The following DPYD variants were observed in gnomAD, a reference collection of about 807,000 sequenced individuals.
The protein encoded by DPYD is dihydropyrimidine dehydrogenase [NADP(+)].
A neutral mutation model predicts 116.2 loss-of-function variants in DPYD; 109 were observed. That is an observed-to-expected ratio of 0.94 (90% CI 0.80 to 1.10). DPYD has a LOEUF of 1.10. Ranked by LOEUF, DPYD falls within the 50% of genes least tolerant of loss-of-function variation. DPYD has a pLI of 0.00. For missense variants in DPYD, 1,302 were observed against 1,254.5 expected, an observed-to-expected ratio of 1.04 and a Z score of -0.57; for synonymous variants, 440 against 432.0, an observed-to-expected ratio of 1.02 and a Z score of -0.23.
rs115349141 is a variant in DPYD at position 97,251,707 on chromosome 1, A to G, written c.2300-16713T>C. Reference sequence around the variant, plus strand: ...GATAAATCACTAGTTACTAAGAATAAGGACACATGGAGTACAAAATGATGA... The same window carrying G: ...GATAAATCACTAGTTACTAAGAATAGGGACACATGGAGTACAAAATGATGA... On this transcript the variant is annotated intron_variant, in intron 18 of 22. Transcript: ENST00000370192. Among the ~76,000 whole-genome samples the G allele has an allele frequency of 9.8e-3, 1,497 of 152,300 alleles. 30 individuals carry two copies. Among genetic ancestry groups the G allele is most frequent in the African/African-American group, 0.035 (1,450 of 41,568 alleles).
chr1:97,868,730 GTC>G (rs1252150491), intron 2 of DPYD, among the ~76,000 whole-genome samples: 3 of 151,716 alleles, frequency 2.0e-5, no homozygotes, highest in Non-Finnish European at 4.4e-5. Context: ...TTGGGCATGT[GTC>G]TCTGAGTCAG....
At chr1:97,578,664 G>A (rs1653438008) in intron 10 of DPYD, among the ~76,000 whole-genome samples, 3 of 152,148 alleles carry the variant, frequency 2.0e-5, no homozygotes, top group Admixed American at 1.3e-4. Context: ...TATGATTCTA[G>A]TTGCTGAACC....
intron 19 of DPYD, among the ~76,000 whole-genome samples, chr1:97,227,926 C>G (rs1661305977): frequency 6.6e-6 from 1 of 151,854 alleles, no homozygotes; most frequent in Non-Finnish European, 1.5e-5. Flanking sequence ...AAAATTTAAG[C>G]AAATGATGCT....
intron 1 of DPYD, among the ~76,000 whole-genome samples, chr1:97,911,487 G>T (rs1558048945): frequency 6.6e-6 from 1 of 152,068 alleles, no homozygotes; most frequent in Non-Finnish European, 1.5e-5. Context: ...ACCCAAGGAA[G>T]AAGTATGTTT....
intron 8 of DPYD, among the ~76,000 whole-genome samples, chr1:97,602,682 T>A (rs185368564): frequency 6.6e-6 from 1 of 152,052 alleles, no homozygotes; most frequent in Non-Finnish European, 1.5e-5. Flanking sequence ...TATCCTTGAG[T>A]ATATTGTACT....
chr1:97,155,117 G>T (rs1245280300), intron 20 of DPYD, among the ~76,000 whole-genome samples: 1 of 152,154 alleles, frequency 6.6e-6, no homozygotes, highest in Admixed American at 6.5e-5. Context: ...TGCAGGGAAC[G>T]TATATGTGGC....
intron 16 of DPYD, among the ~76,000 whole-genome samples, chr1:97,346,635 T>C (rs1357499170): frequency 2.0e-5 from 3 of 151,930 alleles, no homozygotes; most frequent in East Asian, 1.9e-4. Context: ...CATAAAGGTC[T>C]ATCTACTTAA....
chr1:97,134,210 T>C (rs1653609582), intron 20 of DPYD, among the ~76,000 whole-genome samples: 1 of 151,386 alleles, frequency 6.6e-6, no homozygotes, highest in Non-Finnish European at 1.5e-5. Context: ...CCATAAGTTT[T>C]CAAAAAATGG....
At chr1:97,482,998 T>C (rs952133099) in intron 13 of DPYD, among the ~76,000 whole-genome samples, 2 of 152,158 alleles carry the variant, frequency 1.3e-5, no homozygotes, top group African/African-American at 4.8e-5. Flanking sequence ...CTCATTTCAC[T>C]CTCACCCCAA....
At chr1:97,583,861 C>T (rs866386430) in intron 10 of DPYD, among the ~76,000 whole-genome samples, 23 of 152,010 alleles carry the variant, frequency 1.5e-4, no homozygotes, top group African/African-American at 5.3e-4. Flanking sequence ...GTGAATAGTG[C>T]CGCAATAAAC....
At chr1:97,816,379 T>A (rs964694336) in intron 3 of DPYD, among the ~76,000 whole-genome samples, 6 of 152,174 alleles carry the variant, frequency 3.9e-5, no homozygotes, top group African/African-American at 1.4e-4. Flanking sequence ...ATGCATTGAC[T>A]AAATTTTTAA....
chr1:97,771,121 C>T (rs1666118268), intron 3 of DPYD, among the ~76,000 whole-genome samples: 1 of 151,830 alleles, frequency 6.6e-6, no homozygotes, highest in Admixed American at 6.6e-5. Context: ...AGTTCGAGGT[C>T]AGCCTGGCCA....
At chr1:97,751,470 A>G (rs1293228843) in intron 3 of DPYD, among the ~76,000 whole-genome samples, 31 of 101,302 alleles carry the variant, frequency 3.1e-4, no homozygotes, top group South Asian at 1.0e-3. Context: ...GTATATATAT[A>G]TATATATATA....
chr1:97,767,035 T>C (rs1450857369), intron 3 of DPYD, among the ~76,000 whole-genome samples: 1 of 152,102 alleles, frequency 6.6e-6, no homozygotes, highest in East Asian at 1.9e-4. Context: ...TCCTATTCTG[T>C]AGATGAGGGA....
intron 22 of DPYD, among the ~76,000 whole-genome samples, chr1:97,080,740 G>T (rs1402051931): frequency 1.3e-5 from 2 of 152,042 alleles, no homozygotes; most frequent in Non-Finnish European, 2.9e-5. Context: ...TTGAAAATCT[G>T]CAAAGATATA....
Position 97,788,519 on chromosome 1 carries a change from A to G in DPYD, c.233+39595T>C, listed in dbSNP as rs536911873. ...TGAAATAGTTTGAATGAGCTCAAGC[A>G]AGACCAACGAACTACCCACTGAGTC... On this transcript the variant is annotated intron_variant, in intron 3 of 22. Coordinates refer to ENST00000370192, the MANE Select transcript of DPYD (RefSeq NM_000110.4). 9.8e-5 allele frequency among the ~76,000 whole-genome samples: 15 copies of G among 152,340 alleles called. No homozygotes were observed. In the East Asian group the frequency reaches 2.9e-3, roughly 29 times the overall value.
chr1:97,307,689 C>T (rs887281870), intron 16 of DPYD, among the ~76,000 whole-genome samples: 3 of 151,892 alleles, frequency 2.0e-5, no homozygotes, highest in African/African-American at 7.2e-5. Context: ...GAATGCTCTA[C>T]AGGGCATAGT....
intron 20 of DPYD, among the ~76,000 whole-genome samples, chr1:97,172,906 T>G (rs1009439585): frequency 1.3e-5 from 2 of 152,158 alleles, no homozygotes; most frequent in Non-Finnish European, 2.9e-5. Flanking sequence ...TTTTCATCCC[T>G]CAAGACTCAG....
chr1:97,581,216 A>G (rs982637906), intron 10 of DPYD, among the ~76,000 whole-genome samples: 1 of 150,996 alleles, frequency 6.6e-6, no homozygotes, highest in Non-Finnish European at 1.5e-5. Flanking sequence ...AGTCCCAGCT[A>G]CTCAGGATGC....
Sources: allele counts gnomAD v4.1 joint callset (sites outside exome capture counted in the v4.1 genomes callset), GRCh38; gene constraint gnomAD v4.1.1; transcripts MANE v1.5; gene names NCBI Gene and HGNC (gene_info 2026-07-23, HGNC 2026-07-21).